PPM1B: variants seen among roughly 807,000 people sequenced by gnomAD.
PPM1B encodes the protein protein phosphatase 1B.
Under a neutral mutation model 43.0 loss-of-function variants are expected in PPM1B, and 22 were observed. That is an observed-to-expected ratio of 0.51 (90% confidence interval 0.37 to 0.73). The LOEUF (loss-of-function observed/expected upper bound fraction) is 0.73. PPM1B is among the 30% of genes least tolerant of loss of function. PPM1B has a pLI of 0.00. For synonymous variants in PPM1B, 217 were observed against 197.9 expected, an observed-to-expected ratio of 1.10 and a Z score of -0.81; for missense variants, 632 against 584.2, an observed-to-expected ratio of 1.08 and a Z score of -0.84.
intron 2 of PPM1B, among the ~76,000 whole-genome samples, chr2:44,207,742 C>A (rs996605026): frequency 3.3e-5 from 5 of 151,680 alleles, no homozygotes; most frequent in African/African-American, 1.2e-4. Flanking sequence ...GCCACTAAGC[C>A]CAGTTAATTT....
At chr2:44,219,867 C>T (rs903289155) in intron 5 of PPM1B, among the ~76,000 whole-genome samples, 28 of 151,138 alleles carry the variant, frequency 1.9e-4, no homozygotes, top group Admixed American at 1.1e-3. Flanking sequence ...CGCTTGAACC[C>T]GGGAGGCGGA....
Position 44,218,490 on chromosome 2 carries a change from A to T in PPM1B, c.1087A>T (p.Ile363Phe), listed in dbSNP as rs1398982671. 3.2e-6 allele frequency: 5 copies of T among 1,580,184 alleles called. No individual in the cohort carries two copies. The Admixed American group carries it at 9.8e-5, about 31-fold the overall frequency. The part of the protein sequence containing the change: ...GGGLAGKRNV[I>F]EAVYSRLNPH... ...GTTTTTTTTTTTTAGGCGTAATGTTATTGAAGCTGTTTATAGTAGACTGAA... is the reference window on the plus strand; with the variant it reads ...GTTTTTTTTTTTTAGGCGTAATGTTTTTGAAGCTGTTTATAGTAGACTGAA... The change falls in exon 5 of 6, where the codon ATT becomes TTT. Residue 363 changes from isoleucine (I) to phenylalanine (F), a missense_variant. Transcript: ENST00000282412.
At chr2:44,187,098 C>T (rs1370411690) in intron 1 of PPM1B, among the ~76,000 whole-genome samples, 3 of 152,228 alleles carry the variant, frequency 2.0e-5, no homozygotes, top group Non-Finnish European at 4.4e-5. Flanking sequence ...TCCCCTTCTA[C>T]CTCCAGTCCA....
intron 3 of PPM1B, among the ~76,000 whole-genome samples, chr2:44,217,147 C>G (rs188823057): frequency 6.6e-5 from 10 of 152,154 alleles, no homozygotes; most frequent in Non-Finnish European, 1.0e-4. Flanking sequence ...TGCCTGTAAT[C>G]CCAGCACTTT....
intron 5 of PPM1B, among the ~76,000 whole-genome samples, chr2:44,221,514 G>T (rs1023946910): frequency 6.6e-6 from 1 of 152,160 alleles, no homozygotes; most frequent in Admixed American, 6.5e-5. Context: ...GTTAACTTGC[G>T]GGGTGGGAAA....
intron 1 of PPM1B, among the ~76,000 whole-genome samples, chr2:44,193,133 T>C (rs1476741344): frequency 6.6e-6 from 1 of 152,214 alleles, no homozygotes; most frequent in Non-Finnish European, 1.5e-5. Context: ...TTTAGTTTTT[T>C]GAGGAATAGA....
intron 5 of PPM1B, among the ~76,000 whole-genome samples, chr2:44,226,202 C>G (rs1167185146): frequency 6.6e-6 from 1 of 152,040 alleles, no homozygotes; most frequent in African/African-American, 2.4e-5. Flanking sequence ...GTGTCCATCT[C>G]TTGACCTCAT....
At chr2:44,193,830 C>A (rs1038361242) in intron 1 of PPM1B, among the ~76,000 whole-genome samples, 1 of 152,110 alleles carries the variant, frequency 6.6e-6, no homozygotes, top group South Asian at 2.1e-4. Flanking sequence ...CCACCCGCCT[C>A]GGCCTCCCAC....
At chr2:44,203,172 T>TA in intron 2 of PPM1B, among the ~76,000 whole-genome samples, 1 of 152,170 alleles carries the variant, frequency 6.6e-6, no homozygotes, top group African/African-American at 2.4e-5. Flanking sequence ...GAGGCAGTTT[T>TA]AAAAACAGAA....
At chr2:44,210,341 C>T (rs1251619186) in intron 3 of PPM1B, among the ~76,000 whole-genome samples, 1 of 151,698 alleles carries the variant, frequency 6.6e-6, no homozygotes, top group African/African-American at 2.4e-5. Context: ...CTCAGCCTCT[C>T]CCAAGTAGCT....
At position 44,229,564 on chromosome 2, in the gene PPM1B, C is replaced by G. The variant is rs1415160681; in HGVS notation, c.1135-849C>G. ...CTCATGTGTGCTCTAACTTGATCCT[C>G]TATTCCCTTTTTTCCTGTAAACTGG... On this transcript the variant is annotated intron_variant, in intron 5 of 5. Coordinates refer to ENST00000282412, the MANE Select transcript of PPM1B (RefSeq NM_002706.6). Among the ~76,000 whole-genome samples the G allele has an allele frequency of 3.9e-5, 6 of 152,176 alleles. No individual in the cohort carries two copies. The East Asian group carries it at 1.2e-3, about 29-fold the overall frequency.
At chr2:44,199,924 CA>C (rs1480150115) in intron 1 of PPM1B, among the ~76,000 whole-genome samples, 1 of 151,700 alleles carries the variant, frequency 6.6e-6, no homozygotes, top group African/African-American at 2.4e-5. Flanking sequence ...TTGTAAAGTT[CA>C]ATAATGATCA....
chr2:44,211,002 G>A (rs113481004), intron 3 of PPM1B, among the ~76,000 whole-genome samples: 1 of 152,024 alleles, frequency 6.6e-6, no homozygotes, highest in Non-Finnish European at 1.5e-5. Context: ...CGGGCGTGGT[G>A]GCAGGTGCCT....
At chr2:44,190,791 A>C (rs1668372577) in intron 1 of PPM1B, among the ~76,000 whole-genome samples, 1 of 152,174 alleles carries the variant, frequency 6.6e-6, no homozygotes, top group Non-Finnish European at 1.5e-5. Flanking sequence ...ATTTTTGTTG[A>C]CTAAGTTTTA....
At chr2:44,223,612 A>T (rs557332583) in intron 5 of PPM1B, among the ~76,000 whole-genome samples, 1 of 152,014 alleles carries the variant, frequency 6.6e-6, no homozygotes, top group African/African-American at 2.4e-5. Flanking sequence ...GATCAAGACC[A>T]TCCTGGCTAA....
downstream of PPM1B, among the ~76,000 whole-genome samples, chr2:44,238,110 C>G (rs972988312): frequency 1.3e-5 from 2 of 151,900 alleles, no homozygotes; most frequent in Non-Finnish European, 2.9e-5. Flanking sequence ...ACCATGTTGG[C>G]CAGGCTAGTC....
chr2:44,177,136 G>A (rs1667618598), intron 1 of PPM1B, among the ~76,000 whole-genome samples: 1 of 152,136 alleles, frequency 6.6e-6, no homozygotes, highest in Non-Finnish European at 1.5e-5. Context: ...ATGCTGATAT[G>A]CAAGAGAACT....
In PPM1B at chr2:44,207,973, C is replaced by T. The variant is rs78865602; in HGVS notation, c.847-1237C>T. ...GTGCAATCTCAGCTCACTGCAACCT[C>T]CACCTCCCGGGTTCAAGTGATTCTC... On this transcript the variant is annotated intron_variant, in intron 2 of 5. Transcript: ENST00000282412. Among the ~76,000 whole-genome samples, 373 of 150,912 alleles carry T rather than the reference C, an allele frequency of 2.5e-3. 7 individuals are homozygous for T. Among genetic ancestry groups the T allele is most frequent in the Admixed American group, 0.019 (286 of 15,096 alleles).
At chr2:44,184,286 C>T (rs527905390) in intron 1 of PPM1B, among the ~76,000 whole-genome samples, 30 of 152,266 alleles carry the variant, frequency 2.0e-4, no homozygotes, top group South Asian at 4.1e-4. Context: ...CAGCATTTGA[C>T]GCAGTTTATC....
Sources: gnomAD v4.1 joint callset for allele counts (sites outside exome capture counted in the v4.1 genomes callset) on GRCh38, gnomAD v4.1.1 for gene constraint, MANE v1.5 for transcripts, NCBI Gene and HGNC (gene_info 2026-07-23, HGNC 2026-07-21) for gene names.